Variants in CCDC186 observed in about 807,000 individuals in gnomAD.
CCDC186 encodes the protein coiled-coil domain containing 186.
CCDC186 carries 49 observed loss-of-function variants against 113.7 expected under a neutral mutation model. The observed-to-expected ratio is 0.43, with a 90% CI of 0.34 to 0.55. The LOEUF (loss-of-function observed/expected upper bound fraction) is 0.55, where lower values mean the gene tolerates loss of function less well. Among genes scored for constraint, CCDC186 ranks in the 20% least tolerant of loss-of-function variants. The pLI is 0.02. For synonymous variants in CCDC186, 355 were observed against 345.8 expected, an observed-to-expected ratio of 1.03 and a Z score of -0.30; for missense variants, 890 against 1,011.1, an observed-to-expected ratio of 0.88 and a Z score of 1.62.
At chr10:114,131,591 A>T (rs2031089298) in intron 11 of CCDC186, among the ~76,000 whole-genome samples, 1 of 152,212 alleles carries the variant, frequency 6.6e-6, no homozygotes, top group Non-Finnish European at 1.5e-5. Context: ...CTAAAGTCTC[A>T]AATCATTTTT....
chr10:114,142,737 G>C (rs2031509862), intron 6 of CCDC186, among the ~76,000 whole-genome samples: 1 of 152,170 alleles, frequency 6.6e-6, no homozygotes, highest in African/African-American at 2.4e-5. Flanking sequence ...AATGGATCCA[G>C]TAAGCTACAG....
intron 4 of CCDC186, among the ~76,000 whole-genome samples, chr10:114,146,940 A>AT (rs1368243705): frequency 1.3e-5 from 2 of 152,246 alleles, no homozygotes; most frequent in Non-Finnish European, 2.9e-5. Context: ...ACATACACAT[A>AT]TAAGTAATTT....
At chr10:114,153,456 G>C (rs1372250544) in intron 3 of CCDC186, among the ~76,000 whole-genome samples, 1 of 152,070 alleles carries the variant, frequency 6.6e-6, no homozygotes, top group Non-Finnish European at 1.5e-5. Context: ...GGAATGCTTA[G>C]AGGAAAATTT....
At chr10:114,127,746 C>T in intron 13 of CCDC186, 75 bp from the exon 14 acceptor site, 1 of 1,254,496 alleles carries the variant, frequency 8.0e-7, no homozygotes, top group Non-Finnish European at 1.1e-6. Context: ...TTACTTATTC[C>T]AGCATCATTT....
At chr10:114,170,939 T>C (rs547137383) in intron 1 of CCDC186, among the ~76,000 whole-genome samples, 1 of 151,822 alleles carries the variant, frequency 6.6e-6, no homozygotes, top group African/African-American at 2.4e-5. Context: ...TTATGGTCCA[T>C]CAAAATTCCA....
intron 7 of CCDC186, among the ~76,000 whole-genome samples, chr10:114,136,478 C>T (rs1454204900): frequency 6.6e-6 from 1 of 152,110 alleles, no homozygotes; most frequent in Non-Finnish European, 1.5e-5. Flanking sequence ...ATTAAATGAG[C>T]GCTGGCAGCA....
chr10:114,166,897 A>C (rs992030680), intron 1 of CCDC186, among the ~76,000 whole-genome samples: 3 of 152,224 alleles, frequency 2.0e-5, no homozygotes, highest in African/African-American at 7.2e-5. Context: ...TAAATTAAGG[A>C]AGACTCAGAT....
chr10:114,166,074 T>C (rs1040800479), intron 1 of CCDC186, among the ~76,000 whole-genome samples: 2 of 152,108 alleles, frequency 1.3e-5, no homozygotes, highest in Non-Finnish European at 2.9e-5. Flanking sequence ...CTTAAAGGAC[T>C]GCACTGCAGA....
chr10:114,131,760 T>TAGA (rs2031095658), intron 11 of CCDC186, among the ~76,000 whole-genome samples, 169 bp downstream of exon 11: 1 of 152,226 alleles, frequency 6.6e-6, no homozygotes, highest in African/African-American at 2.4e-5. Context: ...AATTTTATTA[T>TAGA]AAATTATAAC....
intron 2 of CCDC186, chr10:114,162,189 T>G (rs1564917951): frequency 6.5e-6 from 1 of 153,146 alleles, no homozygotes; most frequent in Non-Finnish European, 1.5e-5. Context: ...AAAACAGAAC[T>G]TCACATATCC....
At chr10:114,168,611 C>T (rs768460240) in intron 1 of CCDC186, among the ~76,000 whole-genome samples, 1 of 152,288 alleles carries the variant, frequency 6.6e-6, no homozygotes, top group Non-Finnish European at 1.5e-5. Context: ...CACAAGAAGA[C>T]AGCCTCAACC....
intron 14 of CCDC186, 91 bp downstream of exon 14, chr10:114,127,370 G>C (rs944612070): frequency 1.7e-6 from 2 of 1,157,188 alleles, no homozygotes; most frequent in Non-Finnish European, 2.5e-6. Context: ...TGAAAGATAG[G>C]TTCTTGATAT....
Position 114,157,679 on chromosome 10 carries a change from A to G in CCDC186, c.634T>C (p.Leu212=). 6.3e-7 allele frequency: 1 copy of G among 1,578,744 alleles called. No individual in the cohort carries two copies. The highest frequency in any genetic ancestry group is 8.6e-7 in the Non-Finnish European group (1 of 1,165,312). ...TGATGCTTCTTATTTTCTTTAATTA[A>G]CCTAAATATAAAAAGGGCAGTGTAT... ...YLQQEHIIKK[L]IKENKKHQEL... is the part of the protein sequence containing the mutation. The change falls in exon 3 of 16, where the codon TTA becomes CTA. Residue 212 remains leucine (L), a splice_region_variant and synonymous_variant. Transcript: ENST00000369287.
intron 6 of CCDC186, among the ~76,000 whole-genome samples, chr10:114,139,979 T>C (rs2031413797): frequency 6.6e-6 from 1 of 152,198 alleles, no homozygotes; most frequent in African/African-American, 2.4e-5. Context: ...CATTAAATGT[T>C]TTGGTTAAGG....
At chr10:114,145,951 C>T (rs2031627204) in intron 4 of CCDC186, among the ~76,000 whole-genome samples, 190 bp from the exon 5 acceptor site, 1 of 152,114 alleles carries the variant, frequency 6.6e-6, no homozygotes, top group African/African-American at 2.4e-5. Context: ...GGTACAATAT[C>T]CCTAGCATTT....
chr10:114,168,557 G>A (rs970897952), intron 1 of CCDC186, among the ~76,000 whole-genome samples: 5 of 152,260 alleles, frequency 3.3e-5, no homozygotes, highest in Admixed American at 2.6e-4. Flanking sequence ...GCTGATGCCT[G>A]CCACCTGGAC....
intron 1 of CCDC186, among the ~76,000 whole-genome samples, chr10:114,168,727 T>C (rs1162303661): frequency 1.3e-5 from 2 of 152,264 alleles, no homozygotes; most frequent in Non-Finnish European, 2.9e-5. Context: ...TTCAGGGAGA[T>C]TGGTTTGAGT....
intron 1 of CCDC186, chr10:114,173,392 T>C (rs1028094106): frequency 5.1e-5 from 16 of 315,438 alleles, no homozygotes; most frequent in African/African-American, 3.5e-4. Flanking sequence ...TTGTTTTGTT[T>C]TTGCCATTTT....
intron 4 of CCDC186, among the ~76,000 whole-genome samples, chr10:114,147,584 A>C (rs1449407893): frequency 6.6e-6 from 1 of 152,180 alleles, no homozygotes; most frequent in Non-Finnish European, 1.5e-5. Context: ...GTGGGAAGAA[A>C]GTAGTTATAA....
Sources: gnomAD v4.1 joint callset for allele counts (sites outside exome capture counted in the v4.1 genomes callset) on GRCh38, gnomAD v4.1.1 for gene constraint, MANE v1.5 for transcripts, NCBI Gene and HGNC (gene_info 2026-07-23, HGNC 2026-07-21) for gene names.